Variants in LRRIQ4 observed in about 807,000 individuals in gnomAD.
LRRIQ4 encodes the protein leucine rich repeats and IQ motif containing 4.
Under a neutral mutation model 40.1 loss-of-function variants are expected in LRRIQ4, and 21 were observed. The observed-to-expected ratio is 0.52, with a 90% CI of 0.37 to 0.75. LRRIQ4 has a LOEUF of 0.75. Among genes scored for constraint, LRRIQ4 ranks in the 30% least tolerant of loss-of-function variants. The pLI is 0.00. For missense variants in LRRIQ4, 655 were observed against 660.0 expected (o/e 0.99, Z 0.08); for synonymous variants, 277 against 277.1 (o/e 1.00, Z 0.00).
At chr3:169,813,922 G>T (rs1779698127) in intron 1 of LRRIQ4, among the ~76,000 whole-genome samples, 1 of 152,150 alleles carries the variant, frequency 6.6e-6, no homozygotes, top group Admixed American at 6.5e-5. Flanking sequence ...AGGTTGTGGG[G>T]CACGTGGGCT....
chr3:169,830,149 A>G (rs1364741079), intron 3 of LRRIQ4, among the ~76,000 whole-genome samples: 1 of 152,148 alleles, frequency 6.6e-6, no homozygotes, highest in African/African-American at 2.4e-5. Context: ...GCCACAGACA[A>G]TTAGCTATTA....
intron 3 of LRRIQ4, 94 bp from the exon 4 acceptor site, chr3:169,830,398 A>AAAAAAAT (rs1780138222): frequency 2.0e-6 from 1 of 498,890 alleles, no homozygotes; most frequent in Non-Finnish European, 2.9e-6. Context: ...AAAAAAAAAA[A>AAAAAAAT]AAAAAAAAAA....
intron 2 of LRRIQ4, among the ~76,000 whole-genome samples, chr3:169,827,531 C>T (rs9865202): frequency 0.016 from 2,333 of 148,940 alleles, 60 homozygotes; most frequent in African/African-American, 0.054. Context: ...GGCGTGAACC[C>T]GGGAAGCGGA....
At chr3:169,830,671 G>A (rs375420899) in intron 4 of LRRIQ4, 41 bp downstream of exon 4, 1 of 1,612,198 alleles carries the variant, frequency 6.2e-7, no homozygotes, top group East Asian at 2.2e-5. Flanking sequence ...CAGAGTTTGT[G>A]GCCAGCATTT....
chr3:169,822,146 C>T lies in LRRIQ4; in HGVS notation c.225C>T (p.Val75=). The change falls in exon 2 of 6, where the codon GTC becomes GTT. Residue 75 remains valine (V), a synonymous_variant. Transcript: ENST00000340806. ...QEIQRLKNIR[V]LYLDKNNLRS... The stretch of plus-strand genomic sequence containing the variant: ...TTCAGCGTTTAAAGAACATCAGGGT[C>T]CTCTACCTGGATAAGAACAACCTGA... The T allele has an allele frequency of 1.2e-6, 2 of 1,612,812 alleles. No individual in the cohort carries two copies. Among genetic ancestry groups the T allele is most frequent in the Non-Finnish European group, 1.7e-6 (2 of 1,179,620 alleles).
chr3:169,815,769 C>CG (rs1027665681), intron 1 of LRRIQ4, among the ~76,000 whole-genome samples: 5 of 152,182 alleles, frequency 3.3e-5, no homozygotes, highest in Non-Finnish European at 7.3e-5. Context: ...ATACTACCTA[C>CG]GGGCCTGTCA....
intron 1 of LRRIQ4, among the ~76,000 whole-genome samples, chr3:169,817,477 T>A (rs547929214): frequency 6.6e-6 from 1 of 152,356 alleles, no homozygotes; most frequent in South Asian, 2.1e-4. Flanking sequence ...AGTCCAATGC[T>A]GCTTTGTTGG....
chr3:169,815,540 G>A (rs1203629739), intron 1 of LRRIQ4, among the ~76,000 whole-genome samples: 1 of 151,868 alleles, frequency 6.6e-6, no homozygotes, highest in Non-Finnish European at 1.5e-5. Flanking sequence ...TTTTTTTGGT[G>A]GAGTCTTAAG....
chr3:169,831,630 A>G (rs13321310), intron 4 of LRRIQ4, among the ~76,000 whole-genome samples: 1 of 149,862 alleles, frequency 6.7e-6, no homozygotes, highest in African/African-American at 2.5e-5. Context: ...TAATGAAAAA[A>G]GAATGGAGAG....
intron 1 of LRRIQ4, among the ~76,000 whole-genome samples, chr3:169,813,822 C>T (rs1025317674): frequency 6.6e-6 from 1 of 152,182 alleles, no homozygotes; most frequent in African/African-American, 2.4e-5. Context: ...CGCCAAGAAC[C>T]TGGACACCTT....
chr3:169,835,364 CTG>C (rs149888477), intron 5 of LRRIQ4, among the ~76,000 whole-genome samples: 226 of 146,292 alleles, frequency 1.5e-3, no homozygotes, highest in Non-Finnish European at 2.0e-3. Context: ...TTGTCTTTTT[CTG>C]TGTGTGTGTG....
chr3:169,831,633 A>G (rs1256441044), intron 4 of LRRIQ4, among the ~76,000 whole-genome samples: 2 of 150,346 alleles, frequency 1.3e-5, no homozygotes, highest in African/African-American at 4.9e-5. Context: ...TGAAAAAAGA[A>G]TGGAGAGAGT....
At chr3:169,813,490 T>C (rs573375063) in intron 1 of LRRIQ4, among the ~76,000 whole-genome samples, 1 of 152,268 alleles carries the variant, frequency 6.6e-6, no homozygotes, top group East Asian at 1.9e-4. Flanking sequence ...GGGCATGCGA[T>C]GGTGAGGCAG....
At chr3:169,817,551 A>G (rs1779792873) in intron 1 of LRRIQ4, among the ~76,000 whole-genome samples, 1 of 152,168 alleles carries the variant, frequency 6.6e-6, no homozygotes, top group Non-Finnish European at 1.5e-5. Flanking sequence ...CCATTATTGT[A>G]CTGGAGTCTA....
intron 5 of LRRIQ4, among the ~76,000 whole-genome samples, chr3:169,837,096 C>T (rs926769308): frequency 2.6e-5 from 4 of 152,112 alleles, no homozygotes; most frequent in African/African-American, 7.2e-5. Flanking sequence ...GAAGGCAGGG[C>T]GTAGGCACTC....
chr3:169,836,812 G>A (rs1216709158), intron 5 of LRRIQ4, among the ~76,000 whole-genome samples: 1 of 152,198 alleles, frequency 6.6e-6, no homozygotes, highest in African/African-American at 2.4e-5. Context: ...GTGCCTATGT[G>A]TCTGAGCAGG....
chr3:169,835,326 A>G (rs1197044115), intron 5 of LRRIQ4, among the ~76,000 whole-genome samples: 1 of 149,730 alleles, frequency 6.7e-6, no homozygotes, highest in South Asian at 2.1e-4. Flanking sequence ...AGAGTCATTC[A>G]TTTTCTCATC....
In LRRIQ4 at chr3:169,822,872, C is replaced by A; in HGVS notation, c.951C>A (p.His317Gln). The A allele has an allele frequency of 6.2e-7, 1 of 1,606,592 alleles. No individual in the cohort carries two copies. The highest frequency in any genetic ancestry group is 1.1e-5 in the South Asian group (1 of 89,478). Residue 317 changes from histidine to glutamine, a missense_variant, in exon 2 of 6, where the codon CAC (histidine) becomes CAA (glutamine). His to Gln is a conservative substitution (Grantham distance 24). Coordinates refer to ENST00000340806, the MANE Select transcript of LRRIQ4 (RefSeq NM_001080460.3). ...FLDLSQNHLH[H>Q]CPLQICALKN... Reference sequence around the variant, plus strand: ...ACCTAAGCCAGAACCATCTGCACCACTGCCCGCTGCAGATCTGTGCACTGA... The same window carrying A: ...ACCTAAGCCAGAACCATCTGCACCAATGCCCGCTGCAGATCTGTGCACTGA...
At chr3:169,826,350 C>A (rs1780040084) in intron 2 of LRRIQ4, among the ~76,000 whole-genome samples, 1 of 151,294 alleles carries the variant, frequency 6.6e-6, no homozygotes, top group East Asian at 1.9e-4. Flanking sequence ...CAAGATTGTA[C>A]CATTGCCGTC....
Sources: allele counts gnomAD v4.1 joint callset (sites outside exome capture counted in the v4.1 genomes callset), GRCh38; gene constraint gnomAD v4.1.1; transcripts MANE v1.5; gene names NCBI Gene and HGNC (gene_info 2026-07-23, HGNC 2026-07-21).